WDR64: variants seen among roughly 807,000 people sequenced by gnomAD.
The protein encoded by WDR64 is WD repeat domain 64, also known as WD repeat-containing protein 64.
A neutral mutation model predicts 139.3 loss-of-function variants in WDR64; 112 were observed. The ratio of observed to expected loss-of-function variants is 0.80; its 90% CI spans 0.69 to 0.94. The LOEUF (loss-of-function observed/expected upper bound fraction) is 0.94, where lower values mean the gene tolerates loss of function less well. Among genes scored for constraint, WDR64 ranks in the 40% least tolerant of loss-of-function variants. The pLI is 0.00. For missense variants in WDR64, 1,206 were observed against 1,293.1 expected (o/e 0.93, Z 1.03); for synonymous variants, 444 against 437.7 (o/e 1.01, Z -0.18).
chr1:241,802,557 A>C lies in WDR64; in HGVS notation c.*1342A>C, dbSNP rs1659554806. ...TTTCGTTGTATGTGAATTTTTTCAAAAAATTAAGAATTGTAAACTAATATT... is the reference window on the plus strand; with the variant it reads ...TTTCGTTGTATGTGAATTTTTTCAACAAATTAAGAATTGTAAACTAATATT... On this transcript the variant is annotated 3_prime_UTR_variant, in exon 28 of 28. Transcript: ENST00000437684. Among the ~76,000 whole-genome samples, 1 of 152,224 alleles carries C rather than the reference A, an allele frequency of 6.6e-6. No individual in the cohort carries two copies.
At chr1:241,653,341 C>A (rs1028612757) in intron 1 of WDR64, among the ~76,000 whole-genome samples, 1 of 152,200 alleles carries the variant, frequency 6.6e-6, no homozygotes, top group South Asian at 2.1e-4. Flanking sequence ...TAGCCAGCCT[C>A]TGAGTGTGCC....
intron 15 of WDR64, among the ~76,000 whole-genome samples, chr1:241,763,038 G>C (rs911021859): frequency 6.6e-6 from 1 of 152,108 alleles, no homozygotes; most frequent in Non-Finnish European, 1.5e-5. Flanking sequence ...AGAACAAAAT[G>C]CATGTCCTCG....
chr1:241,692,034 A>T (rs1472478447), intron 8 of WDR64, among the ~76,000 whole-genome samples: 8 of 152,128 alleles, frequency 5.3e-5, no homozygotes, highest in Admixed American at 3.3e-4. Context: ...AAAATAAAAA[A>T]AAAAAAAAGA....
intron 10 of WDR64, among the ~76,000 whole-genome samples, chr1:241,725,833 C>A (rs1286746643): frequency 6.6e-6 from 1 of 151,710 alleles, no homozygotes; most frequent in Non-Finnish European, 1.5e-5. Context: ...AAAAAAAAAA[C>A]TCTCAATTTT....
chr1:241,710,345 T>C (rs370654644), intron 8 of WDR64, among the ~76,000 whole-genome samples: 8 of 152,284 alleles, frequency 5.3e-5, no homozygotes, highest in African/African-American at 1.7e-4. Flanking sequence ...AGTGAGGAAA[T>C]TGAAGCACGG....
chr1:241,757,209 T>A, intron 14 of WDR64, 74 bp from the exon 15 acceptor site: 1 of 1,348,170 alleles, frequency 7.4e-7, no homozygotes, highest in East Asian at 2.5e-5. Context: ...TAGGTTCTAT[T>A]TTCTCTATCT....
At chr1:241,795,352 G>A in intron 26 of WDR64, 65 bp downstream of exon 26, 4 of 1,430,802 alleles carry the variant, frequency 2.8e-6, no homozygotes, top group Non-Finnish European at 3.9e-6. Flanking sequence ...TCTCATTCCT[G>A]ACCCTGGGCT....
At chr1:241,713,346 A>AGGGG in intron 9 of WDR64, among the ~76,000 whole-genome samples, 1 of 80,808 alleles carries the variant, frequency 1.2e-5, no homozygotes, top group African/African-American at 4.9e-5. Flanking sequence ...GAAGGGAGGG[A>AGGGG]GGGAGGGAGG....
chr1:241,696,288 C>G (rs1186680757), intron 8 of WDR64, among the ~76,000 whole-genome samples: 1 of 151,862 alleles, frequency 6.6e-6, no homozygotes, highest in Non-Finnish European at 1.5e-5. Flanking sequence ...CCCACTACAG[C>G]TACTCAATGA....
rs762309837 is a variant in WDR64 at position 241,688,637 on chromosome 1, G to C, written c.974+1042G>C. ...AGAAGTAAGGTCACAAGGCAGTTTT[G>C]TTGCCCCCACATTGGAGAGACAGAG... is the stretch of plus-strand genomic sequence containing the variant. On this transcript the variant is annotated intron_variant, in intron 8 of 27. Coordinates refer to ENST00000437684, the MANE Select transcript of WDR64 (RefSeq NM_001367482.1). Among the ~76,000 whole-genome samples, 31 of 152,150 alleles carry C rather than the reference G, an allele frequency of 2.0e-4. 1 individual carries two copies. Among genetic ancestry groups the C allele is most frequent in the African/African-American group, 7.5e-4 (31 of 41,424 alleles).
At chr1:241,682,482 C>T (rs531314058) in intron 6 of WDR64, among the ~76,000 whole-genome samples, 2 of 151,768 alleles carry the variant, frequency 1.3e-5, no homozygotes, top group South Asian at 4.2e-4. Context: ...TTCCATTGGT[C>T]TATGTGCCTA....
intron 15 of WDR64, among the ~76,000 whole-genome samples, chr1:241,764,286 G>C (rs530376220): frequency 6.6e-6 from 1 of 152,284 alleles, no homozygotes; most frequent in African/African-American, 2.4e-5. Flanking sequence ...ATGCTGCCTG[G>C]ATGACAGATT....
At chr1:241,748,655 C>T (rs1368792845) in intron 13 of WDR64, among the ~76,000 whole-genome samples, 1 of 152,018 alleles carries the variant, frequency 6.6e-6, no homozygotes, top group East Asian at 1.9e-4. Context: ...AAGAAAAACA[C>T]TTGGCCGGGC....
chr1:241,779,973 T>C lies in WDR64; in HGVS notation c.2537-31T>C, dbSNP rs187033773. ...TTGATTTAGATAACATGATATCTAA[T>C]TAAAGATTCCAATGTTTAAATTTTA... On this transcript the variant is annotated intron_variant, in intron 21 of 27. Transcript: ENST00000437684. The C allele has an allele frequency of 2.0e-3, 3,129 of 1,536,520 alleles. 18 individuals are homozygous for C. The highest frequency in any genetic ancestry group is 1.7e-3 in the Non-Finnish European group (1,924 of 1,130,802).
At chr1:241,681,034 A>G (rs546613684) in intron 6 of WDR64, among the ~76,000 whole-genome samples, 2 of 152,178 alleles carry the variant, frequency 1.3e-5, no homozygotes, top group African/African-American at 4.8e-5. Context: ...ATATCCTTGC[A>G]TTTGACACCC....
chr1:241,747,975 G>C (rs1296121281), intron 13 of WDR64, among the ~76,000 whole-genome samples: 2 of 152,154 alleles, frequency 1.3e-5, no homozygotes, highest in Non-Finnish European at 2.9e-5. Flanking sequence ...GAAACACAAA[G>C]GGACTGTGCG....
chr1:241,684,429 T>C (rs1666930549), intron 7 of WDR64, among the ~76,000 whole-genome samples: 1 of 152,246 alleles, frequency 6.6e-6, no homozygotes, highest in Non-Finnish European at 1.5e-5. Flanking sequence ...AATTGCAATG[T>C]CTTTAAAGTT....
At chr1:241,658,687 C>T (rs927378345) in intron 1 of WDR64, among the ~76,000 whole-genome samples, 7 of 151,566 alleles carry the variant, frequency 4.6e-5, no homozygotes, top group Middle Eastern at 3.4e-3. Context: ...TTCCACCTTC[C>T]GCTCAAGATG....
intron 10 of WDR64, among the ~76,000 whole-genome samples, chr1:241,735,979 G>C (rs1386709505): frequency 1.3e-5 from 2 of 151,846 alleles, no homozygotes; most frequent in African/African-American, 4.8e-5. Flanking sequence ...TGAGCCAGAG[G>C]TTACCTTGCT....
Sources: gnomAD v4.1 joint callset for allele counts (sites outside exome capture counted in the v4.1 genomes callset) on GRCh38, gnomAD v4.1.1 for gene constraint, MANE v1.5 for transcripts, NCBI Gene and HGNC (gene_info 2026-07-23, HGNC 2026-07-21) for gene names.